The following CCDC91 variants were observed in gnomAD, a reference collection of about 807,000 sequenced individuals.
CCDC91 encodes the protein coiled-coil domain-containing protein 91.
A neutral mutation model predicts 63.2 loss-of-function variants in CCDC91; 48 were observed. The observed-to-expected ratio is 0.76, with a 90% CI of 0.60 to 0.97. The LOEUF is 0.97. Among genes scored for constraint, CCDC91 ranks in the 50% least tolerant of loss-of-function variants. CCDC91 has a pLI of 0.00. For missense variants in CCDC91, 500 were observed against 494.6 expected, an observed-to-expected ratio of 1.01 and a Z score of -0.10; for synonymous variants, 167 against 165.8, an observed-to-expected ratio of 1.01 and a Z score of -0.06.
chr12:28,447,241 A>C (rs1949547329), intron 8 of CCDC91, among the ~76,000 whole-genome samples: 1 of 152,128 alleles, frequency 6.6e-6, no homozygotes, highest in South Asian at 2.1e-4. Flanking sequence ...GGTAAAATAT[A>C]TATTAAATTT....
At chr12:28,465,314 C>T (rs1220105213) in intron 11 of CCDC91, among the ~76,000 whole-genome samples, 2 of 152,140 alleles carry the variant, frequency 1.3e-5, no homozygotes, top group Non-Finnish European at 2.9e-5. Flanking sequence ...AGGACATAGG[C>T]TTGGCCTGCC....
chr12:28,224,540 C>T (rs1015501656), intron 1 of CCDC91, among the ~76,000 whole-genome samples: 1 of 151,902 alleles, frequency 6.6e-6, no homozygotes, highest in African/African-American at 2.4e-5. Context: ...CATCTTCTTC[C>T]TCATTTAGGC....
At chr12:28,385,751 T>A (rs1945558759) in intron 7 of CCDC91, among the ~76,000 whole-genome samples, 1 of 152,184 alleles carries the variant, frequency 6.6e-6, no homozygotes, top group Non-Finnish European at 1.5e-5. Context: ...TTGATGAGGC[T>A]GGAATCAGAT....
chr12:28,420,695 A>G (rs1947950078), intron 8 of CCDC91, among the ~76,000 whole-genome samples: 1 of 151,146 alleles, frequency 6.6e-6, no homozygotes, highest in South Asian at 2.1e-4. Flanking sequence ...CATACTTGCA[A>G]TTATAGATTA....
At chr12:28,234,603 T>A (rs1257906923) in intron 1 of CCDC91, among the ~76,000 whole-genome samples, 2 of 152,140 alleles carry the variant, frequency 1.3e-5, no homozygotes, top group Non-Finnish European at 2.9e-5. Context: ...GGAGCATGAG[T>A]GCTAGGTCTT....
chr12:28,501,531 C>T (rs11049674), intron 12 of CCDC91, among the ~76,000 whole-genome samples: 1 of 151,658 alleles, frequency 6.6e-6, no homozygotes, highest in African/African-American at 2.4e-5. Flanking sequence ...GTATATTGAA[C>T]CAGCCTTGCA....
intron 12 of CCDC91, chr12:28,505,562 C>A (rs951102742): frequency 7.2e-5 from 11 of 151,886 alleles, no homozygotes; most frequent in African/African-American, 2.7e-4. Flanking sequence ...TTATTCATTT[C>A]TTTCCTTGTT....
chr12:28,255,945 G>T (rs989480762), intron 1 of CCDC91: 3 of 152,118 alleles, frequency 2.0e-5, no homozygotes, highest in African/African-American at 7.2e-5. Context: ...CTTAGAAAAT[G>T]CCCTTAAGAT....
At chr12:28,424,835 A>G (rs1270408909) in intron 8 of CCDC91, among the ~76,000 whole-genome samples, 1 of 152,100 alleles carries the variant, frequency 6.6e-6, no homozygotes, top group East Asian at 1.9e-4. Flanking sequence ...TCTTTAGTCA[A>G]AGATTTACTC....
intron 6 of CCDC91, among the ~76,000 whole-genome samples, chr12:28,362,116 G>A (rs900569969): frequency 2.0e-5 from 3 of 151,940 alleles, no homozygotes; most frequent in Non-Finnish European, 2.9e-5. Context: ...TTGCAGTGAC[G>A]CAGGGTTTCC....
At chr12:28,420,952 A>C (rs1194800373) in intron 8 of CCDC91, among the ~76,000 whole-genome samples, 1 of 152,018 alleles carries the variant, frequency 6.6e-6, no homozygotes, top group East Asian at 1.9e-4. Context: ...TTTCCAGTAT[A>C]CAGAATGTTG....
intron 12 of CCDC91, among the ~76,000 whole-genome samples, chr12:28,539,754 A>T (rs1942488651): frequency 6.6e-6 from 1 of 152,118 alleles, no homozygotes; most frequent in African/African-American, 2.4e-5. Flanking sequence ...AGTGATTTTA[A>T]GAGTACCGAC....
At chr12:28,377,618 A>T (rs1052897480) in intron 7 of CCDC91, among the ~76,000 whole-genome samples, 1 of 151,850 alleles carries the variant, frequency 6.6e-6, no homozygotes, top group Non-Finnish European at 1.5e-5. Context: ...TTGAAACCAG[A>T]AGGGTTTATT....
rs1029880853 is a variant in CCDC91, at chr12:28,498,506, A to G, written c.1215+14341A>G. ...CAAGAAGCAGGGACGTACATTCCATATACCATGAAGCCAAAGCATGTCACA... is the reference window on the plus strand; with the variant it reads ...CAAGAAGCAGGGACGTACATTCCATGTACCATGAAGCCAAAGCATGTCACA... On this transcript the variant is annotated intron_variant, in intron 12 of 12. Transcript: ENST00000536442. 5.9e-5 allele frequency among the ~76,000 whole-genome samples: 9 copies of G among 151,670 alleles called. 1 individual carries two copies. The highest frequency in any genetic ancestry group is 2.2e-4 in the African/African-American group (9 of 41,368).
intron 4 of CCDC91, 91 bp downstream of exon 4, chr12:28,305,897 T>A (rs1823613130): frequency 1.8e-6 from 2 of 1,106,250 alleles, no homozygotes; most frequent in African/African-American, 1.6e-5. Context: ...TTTTTTAGCC[T>A]ATTTGTCTAA....
chr12:28,457,958 T>C, intron 11 of CCDC91, among the ~76,000 whole-genome samples: 1 of 152,124 alleles, frequency 6.6e-6, no homozygotes, highest in Non-Finnish European at 1.5e-5. Flanking sequence ...ACTCAAACTA[T>C]GTCTGACGTT....
intron 8 of CCDC91, among the ~76,000 whole-genome samples, chr12:28,400,776 CA>C (rs1946572991): frequency 6.6e-6 from 1 of 152,172 alleles, no homozygotes; most frequent in Non-Finnish European, 1.5e-5. Flanking sequence ...ATCTCTAGGG[CA>C]GGGACAAAAT....
At chr12:28,286,306 A>G (rs1390239840) in intron 3 of CCDC91, among the ~76,000 whole-genome samples, 1 of 152,082 alleles carries the variant, frequency 6.6e-6, no homozygotes, top group East Asian at 1.9e-4. Flanking sequence ...AGATTATTTC[A>G]TCACCCAGAT....
At chr12:28,389,553 G>T (rs1479019815) in intron 7 of CCDC91, among the ~76,000 whole-genome samples, 1 of 151,898 alleles carries the variant, frequency 6.6e-6, no homozygotes, top group East Asian at 1.9e-4. Context: ...TATTCAAATT[G>T]TACTTCTTAA....
Sources: gnomAD v4.1 joint callset for allele counts (sites outside exome capture counted in the v4.1 genomes callset) on GRCh38, gnomAD v4.1.1 for gene constraint, MANE v1.5 for transcripts, NCBI Gene and HGNC (gene_info 2026-07-23, HGNC 2026-07-21) for gene names.